The following KSR2 variants were observed in gnomAD, a reference collection of about 807,000 sequenced individuals.
KSR2 encodes the protein kinase suppressor of ras 2.
KSR2 carries 25 observed loss-of-function variants against 107.8 expected under a neutral mutation model. The ratio of observed to expected loss-of-function variants is 0.23; its 90% CI spans 0.17 to 0.32. The LOEUF (loss-of-function observed/expected upper bound fraction) is 0.32. Ranked by LOEUF, KSR2 falls within the 10% of genes least tolerant of loss-of-function variation. KSR2 has a pLI of 1.00. For synonymous variants in KSR2, 480 were observed against 507.0 expected (o/e 0.95, Z 0.71); for missense variants, 887 against 1,268.9 (o/e 0.70, Z 4.57).
At chr12:117,736,268 G>A (rs770251094) in intron 4 of KSR2, among the ~76,000 whole-genome samples, 3 of 152,100 alleles carry the variant, frequency 2.0e-5, no homozygotes, top group Non-Finnish European at 4.4e-5. Context: ...TCCCTTGCCT[G>A]TTCAAAAATG....
chr12:117,808,172 GC>G (rs1891073953), intron 3 of KSR2, among the ~76,000 whole-genome samples: 1 of 152,140 alleles, frequency 6.6e-6, no homozygotes. Context: ...ATTTCCTTGG[GC>G]CGCTCTGGGT....
intron 8 of KSR2, among the ~76,000 whole-genome samples, chr12:117,555,814 A>G (rs1408848952): frequency 1.3e-5 from 2 of 152,228 alleles, no homozygotes; most frequent in Admixed American, 6.5e-5. Flanking sequence ...AGTAGATGCT[A>G]AATAAATGCT....
intron 1 of KSR2, among the ~76,000 whole-genome samples, chr12:117,866,203 G>A (rs1036760226): frequency 1.3e-5 from 2 of 151,746 alleles, no homozygotes; most frequent in Non-Finnish European, 2.9e-5. Context: ...TGCCTGGCAT[G>A]GGCCACCACA....
intron 5 of KSR2, among the ~76,000 whole-genome samples, chr12:117,652,701 C>A (rs1883955441): frequency 6.6e-6 from 1 of 152,204 alleles, no homozygotes; most frequent in Admixed American, 6.5e-5. Flanking sequence ...GGGAAATGAT[C>A]AGACATTTCA....
chr12:117,859,731 A>G lies in KSR2; in HGVS notation c.321+560T>C, dbSNP rs183052403. Among the ~76,000 whole-genome samples the G allele has an allele frequency of 6.1e-4, 93 of 152,348 alleles. 2 individuals carry two copies. In the East Asian group the frequency reaches 0.017, roughly 28 times the overall value. ...TTTGGCCTCCCAAAGTGCTGGGATC[A>G]CAGGCATGAGCCACTGCGCCCAGCT... On this transcript the variant is annotated intron_variant, in intron 2 of 19. Transcript: ENST00000339824.
intron 3 of KSR2, among the ~76,000 whole-genome samples, chr12:117,794,548 A>AC (rs1436646775): frequency 8.8e-6 from 1 of 114,012 alleles, no homozygotes; most frequent in South Asian, 2.9e-4. Flanking sequence ...ATGCACACTC[A>AC]ACCAACATGC....
At chr12:117,760,953 G>C in intron 4 of KSR2, 58 bp downstream of exon 4, 1 of 1,603,752 alleles carries the variant, frequency 6.2e-7, no homozygotes, top group Non-Finnish European at 8.5e-7. Flanking sequence ...GGGACCAAGG[G>C]GCAGCCCCTC....
chr12:117,590,726 C>T (rs1880269027), intron 5 of KSR2, among the ~76,000 whole-genome samples: 1 of 152,306 alleles, frequency 6.6e-6, no homozygotes, highest in South Asian at 2.1e-4. Flanking sequence ...CACACAGCCA[C>T]ACCCACTCAT....
At chr12:117,949,306 G>C (rs565713800) in intron 1 of KSR2, among the ~76,000 whole-genome samples, 2 of 113,696 alleles carry the variant, frequency 1.8e-5, no homozygotes, top group African/African-American at 3.1e-5. Flanking sequence ...ACTGTTAAGA[G>C]GAAAAAAAAA....
rs562035722 is a variant in KSR2 at position 117,878,041 on chromosome 12, G to A, written c.181-17610C>T. 7.2e-5 allele frequency among the ~76,000 whole-genome samples: 11 copies of A among 152,266 alleles called. No individual in the cohort carries two copies. In the East Asian group the frequency reaches 2.1e-3, roughly 29 times the overall value. On this transcript the variant is annotated intron_variant, in intron 1 of 19. Coordinates refer to ENST00000339824, the MANE Select transcript of KSR2 (RefSeq NM_173598.6). Reference sequence around the variant, plus strand: ...TGATTAAATGAATGAGTCTTGAGGGGCTGAGATGTGGAGAGGGCAGCTTTG... The same window carrying A: ...TGATTAAATGAATGAGTCTTGAGGGACTGAGATGTGGAGAGGGCAGCTTTG...
intron 1 of KSR2, among the ~76,000 whole-genome samples, chr12:117,925,399 T>C (rs139907573): frequency 2.9e-4 from 44 of 152,268 alleles, no homozygotes; most frequent in African/African-American, 8.9e-4. Flanking sequence ...GCTGAGATTA[T>C]AGGCATAAGC....
chr12:117,653,992 A>T (rs1216832360), intron 5 of KSR2, among the ~76,000 whole-genome samples: 1 of 152,230 alleles, frequency 6.6e-6, no homozygotes, highest in East Asian at 1.9e-4. Flanking sequence ...GCAGGCTCCC[A>T]TAGGTGAATC....
intron 1 of KSR2, among the ~76,000 whole-genome samples, chr12:117,878,124 T>G (rs1328086648): frequency 2.0e-5 from 3 of 148,848 alleles, no homozygotes; most frequent in Non-Finnish European, 4.5e-5. Context: ...AGGGGCAAAA[T>G]AAGAATTCAG....
chr12:117,479,631 C>T (rs1394424641), intron 16 of KSR2, among the ~76,000 whole-genome samples: 1 of 152,172 alleles, frequency 6.6e-6, no homozygotes, highest in East Asian at 1.9e-4. Context: ...GGTTGAGAAT[C>T]ACTGTTCTAA....
chr12:117,610,288 C>T (rs903335781), intron 5 of KSR2, among the ~76,000 whole-genome samples: 9 of 152,080 alleles, frequency 5.9e-5, no homozygotes, highest in African/African-American at 1.7e-4. Context: ...GAAATAATCA[C>T]GGATGCTCGC....
chr12:117,595,586 A>G (rs1367087467), intron 5 of KSR2, among the ~76,000 whole-genome samples: 1 of 151,756 alleles, frequency 6.6e-6, no homozygotes, highest in South Asian at 2.1e-4. Flanking sequence ...GATGGTCTCG[A>G]TCTCCTGACC....
At chr12:117,802,624 A>C (rs117360140) in intron 3 of KSR2, among the ~76,000 whole-genome samples, 1 of 152,338 alleles carries the variant, frequency 6.6e-6, no homozygotes, top group Non-Finnish European at 1.5e-5. Context: ...GACACCAGGA[A>C]TAGAATAATC....
chr12:117,746,406 C>T (rs1593194287), intron 4 of KSR2, among the ~76,000 whole-genome samples: 2 of 152,142 alleles, frequency 1.3e-5, no homozygotes, highest in East Asian at 1.9e-4. Flanking sequence ...TGGACCCCTT[C>T]CTTACACTGC....
intron 4 of KSR2, among the ~76,000 whole-genome samples, chr12:117,683,548 A>T (rs752939911): frequency 6.6e-6 from 1 of 152,226 alleles, no homozygotes; most frequent in Non-Finnish European, 1.5e-5. Flanking sequence ...CTATTGGAAC[A>T]TTTACACCTG....
Sources: gnomAD v4.1 joint callset for allele counts (sites outside exome capture counted in the v4.1 genomes callset) on GRCh38, gnomAD v4.1.1 for gene constraint, MANE v1.5 for transcripts, NCBI Gene and HGNC (gene_info 2026-07-23, HGNC 2026-07-21) for gene names.